CUX1: variants seen among roughly 807,000 people sequenced by gnomAD.
CUX1 encodes the protein cut like homeobox 1, also known as protein CASP.
CUX1 carries 31 observed loss-of-function variants against 158.8 expected under a neutral mutation model. The observed-to-expected ratio is 0.20, with a 90% confidence interval of 0.15 to 0.26. CUX1 has a LOEUF of 0.26. Among genes scored for constraint, CUX1 ranks in the 10% least tolerant of loss-of-function variants. CUX1 has a pLI of 1.00. For synonymous variants in CUX1, 879 were observed against 862.1 expected, an observed-to-expected ratio of 1.02 and a Z score of -0.34; for missense variants, 1,589 against 2,014.6, an observed-to-expected ratio of 0.79 and a Z score of 4.04.
At chr7:101,910,441 C>T (rs185399546) in intron 1 of CUX1, among the ~76,000 whole-genome samples, 7 of 152,206 alleles carry the variant, frequency 4.6e-5, no homozygotes, top group South Asian at 2.1e-4. Flanking sequence ...CCACTGTTCC[C>T]GGCCCACATA....
chr7:102,265,445 A>AT (rs1281998811), intron 14 of CUX1, among the ~76,000 whole-genome samples: 1 of 151,206 alleles, frequency 6.6e-6, no homozygotes, highest in Non-Finnish European at 1.5e-5. Flanking sequence ...CAAGGTCACT[A>AT]TTTTTTTTAA....
intron 3 of CUX1, among the ~76,000 whole-genome samples, chr7:102,067,795 A>G (rs1825711462): frequency 6.6e-6 from 1 of 150,834 alleles, no homozygotes; most frequent in African/African-American, 2.4e-5. Flanking sequence ...ATCTCGCCTG[A>G]CCCCTGAGGT....
chr7:101,956,803 G>C (rs1367535412), intron 2 of CUX1, among the ~76,000 whole-genome samples: 1 of 152,206 alleles, frequency 6.6e-6, no homozygotes, highest in Non-Finnish European at 1.5e-5. Flanking sequence ...CAAATTGTTT[G>C]CTGGGCATGG....
At chr7:102,235,048 TGTTATTTCCCAGCCTCTGG>T in intron 22 of CUX1, among the ~76,000 whole-genome samples, 1 of 152,258 alleles carries the variant, frequency 6.6e-6, no homozygotes, top group Non-Finnish European at 1.5e-5. Context: ...TCTCTCTTGC[TGTTATTTCCCAGCCTCTGG>T]GGATTTGGCC....
At chr7:101,891,623 T>C (rs1306119855) in intron 1 of CUX1, among the ~76,000 whole-genome samples, 1 of 152,156 alleles carries the variant, frequency 6.6e-6, no homozygotes, top group Non-Finnish European at 1.5e-5. Context: ...GCCCGTACCT[T>C]CTTGGAGCTG....
intron 2 of CUX1, among the ~76,000 whole-genome samples, chr7:102,027,274 G>C (rs1472007744): frequency 3.3e-5 from 5 of 152,104 alleles, no homozygotes; most frequent in Non-Finnish European, 7.3e-5. Context: ...TCGGGAGGCT[G>C]AGGTGAGAGA....
At chr7:102,137,054 TG>T (rs1454689252) in intron 8 of CUX1, among the ~76,000 whole-genome samples, 2 of 152,196 alleles carry the variant, frequency 1.3e-5, no homozygotes, top group Non-Finnish European at 2.9e-5. Context: ...CTACAAGTAG[TG>T]AACGTGCACC....
intron 8 of CUX1, among the ~76,000 whole-genome samples, chr7:102,133,858 T>C (rs1639300489): frequency 6.6e-6 from 1 of 152,134 alleles, no homozygotes. Flanking sequence ...CACACCGGGG[T>C]AATTGCAGAC....
intron 1 of CUX1, among the ~76,000 whole-genome samples, chr7:101,895,290 C>T (rs976981821): frequency 1.3e-5 from 2 of 152,136 alleles, no homozygotes; most frequent in Middle Eastern, 3.2e-3. Context: ...GTGGGAAGTG[C>T]TTTTCCTAGA....
intron 8 of CUX1, among the ~76,000 whole-genome samples, chr7:102,155,629 T>A (rs1554505039): frequency 6.6e-6 from 1 of 152,226 alleles, no homozygotes. Context: ...TCTGAAGGAG[T>A]TTACGCTCTG....
intron 8 of CUX1, among the ~76,000 whole-genome samples, chr7:102,132,960 C>T (rs549381660): frequency 6.0e-4 from 91 of 152,186 alleles, no homozygotes; most frequent in Middle Eastern, 6.8e-3. Context: ...CGTGAGCCAC[C>T]GCACCCGGCC....
intron 11 of CUX1, among the ~76,000 whole-genome samples, chr7:102,187,468 A>G (rs1793752751): frequency 6.6e-6 from 1 of 152,144 alleles, no homozygotes; most frequent in East Asian, 1.9e-4. Context: ...GAAGTTTATT[A>G]ACTTGTCCAT....
At position 102,278,448 on chromosome 7, in the gene CUX1, C is replaced by T. The variant is rs376977365; in HGVS notation, c.1680+383C>T. 1.3e-3 allele frequency among the ~76,000 whole-genome samples: 197 copies of T among 151,684 alleles called. 1 individual carries two copies. The highest frequency in any genetic ancestry group is 4.2e-3 in the African/African-American group (174 of 41,342). On this transcript the variant is annotated intron_variant, in intron 18 of 22. Coordinates refer to the CUX1 transcript ENST00000292538. ...CTACTAAAAATACAAAAAAAGTATCCGGGCATGGTGGTGCACACCTGTAGT... is the reference window on the plus strand; with the variant it reads ...CTACTAAAAATACAAAAAAAGTATCTGGGCATGGTGGTGCACACCTGTAGT...
At chr7:101,858,449 C>A (rs1027447163) in intron 1 of CUX1, among the ~76,000 whole-genome samples, 8 of 152,120 alleles carry the variant, frequency 5.3e-5, no homozygotes, top group Middle Eastern at 3.2e-3. Context: ...CTGACTTTTT[C>A]TTCTTCAATG....
chr7:102,253,356 T>C lies in CUX1; in HGVS notation c.*4314T>C. On this transcript the variant is annotated 3_prime_UTR_variant, in exon 24 of 24. Transcript: ENST00000292535. ...TACACAGGCTGCAAAGAGATCGCTG[T>C]GGGCCTCGGCTGACTACTTTAAGAT... 3.0e-6 allele frequency: 3 copies of C among 985,456 alleles called. No homozygotes were observed. Among genetic ancestry groups the C allele is most frequent in the South Asian group, 9.4e-5 (2 of 21,288 alleles). The allele number at this position is 985,456 out of a possible 1,614,324, so 61.0% of individuals were successfully genotyped here.
intron 8 of CUX1, among the ~76,000 whole-genome samples, chr7:102,156,111 A>C (rs537667870): frequency 6.6e-6 from 1 of 152,146 alleles, no homozygotes; most frequent in Non-Finnish European, 1.5e-5. Flanking sequence ...ACTACCTCAA[A>C]TCGCTGTGTG....
chr7:101,900,899 T>C (rs1213761937), intron 1 of CUX1, among the ~76,000 whole-genome samples: 1 of 152,210 alleles, frequency 6.6e-6, no homozygotes, highest in Admixed American at 6.5e-5. Context: ...AAGGAGCTAA[T>C]GTGTGTAAGT....
At chr7:102,236,945 G>A (rs1269308176) in intron 22 of CUX1, among the ~76,000 whole-genome samples, 7 of 152,152 alleles carry the variant, frequency 4.6e-5, no homozygotes, top group Non-Finnish European at 4.4e-5. Flanking sequence ...ATCCAAAGCC[G>A]CTGTGGTCCG....
intron 2 of CUX1, among the ~76,000 whole-genome samples, chr7:102,004,645 T>C (rs1253678553): frequency 1.3e-5 from 2 of 152,164 alleles, no homozygotes; most frequent in Non-Finnish European, 1.5e-5. Flanking sequence ...TTGGGAGTTA[T>C]GCCTGCCTTG....
Sources: gnomAD v4.1 joint callset for allele counts (sites outside exome capture counted in the v4.1 genomes callset) on GRCh38, gnomAD v4.1.1 for gene constraint, MANE v1.5 for transcripts, NCBI Gene and HGNC (gene_info 2026-07-23, HGNC 2026-07-21) for gene names.